MYOCD: variants seen among roughly 807,000 people sequenced by gnomAD.
The protein encoded by MYOCD is myocardin.
Under a neutral mutation model 96.1 loss-of-function variants are expected in MYOCD, and 32 were observed. The ratio of observed to expected loss-of-function variants is 0.33; its 90% CI spans 0.25 to 0.45. The LOEUF is 0.45. MYOCD is among the 20% of genes least tolerant of loss of function. MYOCD has a pLI of 1.00. For missense variants in MYOCD, 1,133 were observed against 1,200.6 expected, an observed-to-expected ratio of 0.94 and a Z score of 0.83; for synonymous variants, 469 against 469.0, an observed-to-expected ratio of 1.00 and a Z score of 0.00.
Position 12,758,106 on chromosome 17 carries a change from G to A in MYOCD, c.2224G>A (p.Asp742Asn). The A allele has an allele frequency of 6.2e-7, 1 of 1,614,012 alleles. No homozygotes were observed. The highest frequency in any genetic ancestry group is 1.1e-5 in the South Asian group (1 of 91,084). ...QQKMAGLHSS[D>N]KVGPKFSIPS... ...GCAGATGGCTGGTTTACACTCTTCT[G>A]ATAAGGTGGGGCCAAAGTTTTCAAT... is the stretch of plus-strand genomic sequence containing the variant. Residue 742 changes from aspartate to asparagine, a missense_variant, in exon 12 of 14, where the codon GAT becomes AAT. Asp to Asn is a conservative substitution (Grantham distance 23). Coordinates refer to ENST00000425538, the MANE Select transcript of MYOCD (RefSeq NM_001146312.3).
At chr17:12,747,548 C>T (rs999650) in intron 9 of MYOCD, among the ~76,000 whole-genome samples, 100,064 of 151,522 alleles carry the variant, frequency 0.66, 33,421 homozygotes, top group East Asian at 0.89. Context: ...TCATGTGCGA[C>T]GTGTGGAGCA....
intron 9 of MYOCD, among the ~76,000 whole-genome samples, chr17:12,747,033 CA>C (rs1189432258): frequency 1.4e-4 from 3 of 21,422 alleles, no homozygotes; most frequent in Non-Finnish European, 4.2e-4. Flanking sequence ...CAGCCCCTAC[CA>C]ATTTTTTTTT....
intron 2 of MYOCD, chr17:12,710,401 C>T: frequency 1.7e-6 from 1 of 572,470 alleles, no homozygotes; most frequent in Non-Finnish European, 2.2e-6. Context: ...AATGAAATGT[C>T]TGGGCAGCTT....
Position 12,753,078 on chromosome 17 carries a change from A to G in MYOCD, c.1790A>G (p.His597Arg), listed in dbSNP as rs1189841868. ...VKRQSSSSECHPPACEAAQLQ... is the reference protein window; with the variant it reads ...VKRQSSSSECRPPACEAAQLQ... ...AGACAAAGCAGCAGCTCAGAGTGTCACCCACCGGCTTGTGAAGCTGCTCAA... is the reference window on the plus strand; with the variant it reads ...AGACAAAGCAGCAGCTCAGAGTGTCGCCCACCGGCTTGTGAAGCTGCTCAA... Residue 597 changes from histidine (H) to arginine (R), a missense_variant, in exon 10 of 14, where the codon CAC (histidine) becomes CGC (arginine). Physicochemically the swap from His to Arg is conservative, Grantham distance 29. Transcript: ENST00000425538. 1 of 1,614,150 alleles carries G rather than the reference A, an allele frequency of 6.2e-7. No homozygotes were observed. Among genetic ancestry groups the G allele is most frequent in the Non-Finnish European group, 8.5e-7 (1 of 1,180,034 alleles).
At chr17:12,732,621 C>T (rs2032210803) in intron 5 of MYOCD, among the ~76,000 whole-genome samples, 1 of 152,200 alleles carries the variant, frequency 6.6e-6, no homozygotes, top group Admixed American at 6.5e-5. Context: ...CTCAGCTTGT[C>T]TCTGCTCCTC....
Position 12,736,349 on chromosome 17 carries a change from A to T in MYOCD, c.591+13A>T. On this transcript the variant is annotated intron_variant, in intron 6 of 13. Transcript: ENST00000425538. ...GGGGACAAACCAGGTAAAAAACAAA[A>T]CAAACAAACGAAAAAAGTAAAACAG... The T allele has an allele frequency of 6.2e-7, 1 of 1,610,658 alleles. No homozygotes were observed. The highest frequency in any genetic ancestry group is 8.5e-7 in the Non-Finnish European group (1 of 1,177,810).
intron 1 of MYOCD, among the ~76,000 whole-genome samples, chr17:12,688,877 GT>G (rs950246649): frequency 2.6e-5 from 4 of 151,914 alleles, no homozygotes; most frequent in Admixed American, 2.6e-4. Flanking sequence ...CCTATTTCTT[GT>G]TTCCCTCCTG....
chr17:12,685,292 C>T (rs772654516), intron 1 of MYOCD, among the ~76,000 whole-genome samples: 2 of 151,302 alleles, frequency 1.3e-5, no homozygotes, highest in Non-Finnish European at 2.9e-5. Flanking sequence ...AGCGTAAGAC[C>T]CTGTCTCAAC....
At chr17:12,760,812 A>G in intron 13 of MYOCD, 105 bp downstream of exon 13, 1 of 921,582 alleles carries the variant, frequency 1.1e-6, no homozygotes, top group Non-Finnish European at 1.8e-6. Context: ...AGTTGGATGT[A>G]CCAGGTAGTC....
At chr17:12,674,351 C>T (rs966862452) in intron 1 of MYOCD, among the ~76,000 whole-genome samples, 3 of 152,164 alleles carry the variant, frequency 2.0e-5, no homozygotes, top group South Asian at 4.1e-4. Context: ...TGCTATCGTC[C>T]TTGATTTCCT....
intron 4 of MYOCD, chr17:12,720,448 T>C (rs2031798005): frequency 6.6e-6 from 1 of 152,102 alleles, no homozygotes; most frequent in Middle Eastern, 3.2e-3. Context: ...TTCTCGACCA[T>C]GACAAAGAAC....
chr17:12,748,065 G>GGCGGGAGAATCGCTTGAAC (rs1030627324), intron 9 of MYOCD, among the ~76,000 whole-genome samples: 5 of 150,796 alleles, frequency 3.3e-5, no homozygotes, highest in Admixed American at 1.3e-4. Context: ...GGGAGGCTGA[G>GGCGGGAGAATCGCTTGAAC]GCGGGAGAAT....
chr17:12,676,672 G>A (rs1910080602), intron 1 of MYOCD, among the ~76,000 whole-genome samples: 1 of 152,084 alleles, frequency 6.6e-6, no homozygotes, highest in South Asian at 2.1e-4. Context: ...CATTAATCCT[G>A]GGTCATGCTC....
rs565785844 is a variant in MYOCD, at chr17:12,765,279, T to C, written c.*1635T>C. ...AGCTATTGCTGTTGTTTTGTTTTTT[T>C]ATTTAAATCACTAAGGCACTGTTTT... On this transcript the variant is annotated 3_prime_UTR_variant, in exon 14 of 14. Transcript: ENST00000425538. The C allele has an allele frequency of 1.9e-4, 29 of 152,058 alleles. No homozygotes were observed. The highest frequency in any genetic ancestry group is 7.0e-4 in the African/African-American group (29 of 41,478). The allele number at this position is 152,058 out of a possible 1,614,324, so 9.4% of individuals were successfully genotyped here. A position where few individuals can be genotyped will look rare whatever the true frequency, so the allele number is the denominator to read the frequency against.
At chr17:12,682,154 G>A (rs1910506314) in intron 1 of MYOCD, among the ~76,000 whole-genome samples, 1 of 152,148 alleles carries the variant, frequency 6.6e-6, no homozygotes, top group Admixed American at 6.5e-5. Flanking sequence ...GAAATTCGAT[G>A]CTTCTGTACC....
rs1270398653 is a variant in MYOCD at position 12,756,517 on chromosome 17, G to A, written c.2162G>A (p.Gly721Glu). ...CAAGCAGACAGCAGTCATGGTGCCG[G>A]GGGAAACCCTTGTCCCAAAAGCCCA... ...GAQADSSHGA[G>E]GNPCPKSPCV... The change falls in exon 11 of 14, where the codon GGG (glycine) becomes GAG (glutamate). Residue 721 changes from glycine (G) to glutamate (E), a missense_variant. Physicochemically the swap from Gly to Glu is moderately conservative, Grantham distance 98 (BLOSUM62 -2). Transcript: ENST00000425538. 1 of 1,551,394 alleles carries A rather than the reference G, an allele frequency of 6.4e-7. No individual in the cohort carries two copies. Among genetic ancestry groups the A allele is most frequent in the Non-Finnish European group, 8.7e-7 (1 of 1,146,966 alleles).
chr17:12,740,883 T>A (rs62060373), intron 7 of MYOCD, among the ~76,000 whole-genome samples: 23,580 of 151,972 alleles, frequency 0.16, 2,036 homozygotes, highest in East Asian at 0.27. Context: ...GGAGTATAGG[T>A]GCACACCACC....
At chr17:12,693,625 G>GAATAAAATAAAATAAAATAAAATAA (rs59593903) in intron 1 of MYOCD, among the ~76,000 whole-genome samples, 1,323 of 125,182 alleles carry the variant, frequency 0.011, 13 homozygotes, top group Middle Eastern at 0.028. Flanking sequence ...AAATAAAATA[G>GAATAAAATAAAATAAAATAAAATAA]AATAAAATAA....
chr17:12,742,640 G>A (rs948118925), intron 7 of MYOCD, among the ~76,000 whole-genome samples: 4 of 151,392 alleles, frequency 2.6e-5, no homozygotes, highest in Non-Finnish European at 5.9e-5. Context: ...GCGCAATCTC[G>A]GCTTACTGCA....
Sources: gnomAD v4.1 joint callset for allele counts (sites outside exome capture counted in the v4.1 genomes callset) on GRCh38, gnomAD v4.1.1 for gene constraint, MANE v1.5 for transcripts, NCBI Gene and HGNC (gene_info 2026-07-23, HGNC 2026-07-21) for gene names.